Variants in ECT2L observed in about 807,000 individuals in gnomAD.
ECT2L encodes the protein epithelial cell-transforming sequence 2 oncogene-like.
Under a neutral mutation model 122.8 loss-of-function variants are expected in ECT2L, and 126 were observed. The observed-to-expected ratio is 1.03, with a 90% confidence interval of 0.89 to 1.19. The LOEUF (loss-of-function observed/expected upper bound fraction) is 1.19. Among genes scored for constraint, ECT2L ranks in the 50% most tolerant of loss-of-function variants. The pLI, the probability that ECT2L is intolerant of heterozygous loss-of-function variation, is 0.00. For missense variants in ECT2L, 1,012 were observed against 1,064.1 expected (o/e 0.95, Z 0.68); for synonymous variants, 385 against 381.8 (o/e 1.01, Z -0.10).
intron 1 of ECT2L, among the ~76,000 whole-genome samples, chr6:138,802,682 T>C (rs766121869): frequency 6.6e-6 from 1 of 152,114 alleles, no homozygotes; most frequent in Non-Finnish European, 1.5e-5. Context: ...AAAGCTAGAA[T>C]AGGAAAAGAA....
intron 16 of ECT2L, 134 bp downstream of exon 16, chr6:138,883,005 A>T (rs1778696390): frequency 3.2e-6 from 3 of 949,686 alleles, no homozygotes; most frequent in Non-Finnish European, 4.6e-6. Flanking sequence ...ATACTGTGTG[A>T]TCTCTGAGGA....
chr6:138,808,278 T>C (rs1458902127), intron 1 of ECT2L, among the ~76,000 whole-genome samples: 2 of 152,184 alleles, frequency 1.3e-5, no homozygotes, highest in South Asian at 4.1e-4. Context: ...AGGATCTCAT[T>C]TGGTTGCCCA....
chr6:138,859,412 CA>C (rs767034980), intron 10 of ECT2L, among the ~76,000 whole-genome samples: 3 of 152,134 alleles, frequency 2.0e-5, no homozygotes, highest in Non-Finnish European at 2.9e-5. Context: ...AGTAGAGTGG[CA>C]AGGTTATATG....
chr6:138,855,957 G>T (rs1354889363), intron 10 of ECT2L, among the ~76,000 whole-genome samples: 1 of 152,186 alleles, frequency 6.6e-6, no homozygotes, highest in African/African-American at 2.4e-5. Flanking sequence ...TGTCTCAAGT[G>T]AAACTTAATG....
At chr6:138,894,766 C>T (rs1444036072) in intron 20 of ECT2L, among the ~76,000 whole-genome samples, 27 of 152,112 alleles carry the variant, frequency 1.8e-4, no homozygotes, top group Non-Finnish European at 7.4e-5. Flanking sequence ...CTTTAAAAAT[C>T]CACTTGTAAA....
intron 1 of ECT2L, among the ~76,000 whole-genome samples, chr6:138,810,956 G>A (rs1321497053): frequency 6.6e-6 from 1 of 151,426 alleles, no homozygotes; most frequent in Non-Finnish European, 1.5e-5. Context: ...TCTGCATATG[G>A]GAAAGGAAAG....
intron 1 of ECT2L, among the ~76,000 whole-genome samples, chr6:138,805,187 T>TG (rs1178562861): frequency 1.3e-5 from 2 of 152,242 alleles, no homozygotes; most frequent in Non-Finnish European, 2.9e-5. Flanking sequence ...AGTATTCTAT[T>TG]GCGTGAATGC....
chr6:138,813,324 A>G lies in ECT2L; in HGVS notation c.50A>G (p.Lys17Arg), dbSNP rs369742195. 15 of 1,611,490 alleles carry G rather than the reference A, an allele frequency of 9.3e-6. No individual in the cohort carries two copies. The African/African-American group carries it at 2.0e-4, about 22-fold the overall frequency. The change falls in exon 3 of 22, where the codon AAG (lysine) becomes AGG (arginine). Residue 17 changes from lysine to arginine, a missense_variant. By Grantham distance (26) the Lys-to-Arg change is conservative. Transcript: ENST00000541398. ...RFSAWTPFSN[K>R]SLNRQLFQER... ...AGTGCCTGGACACCTTTTAGCAACA[A>G]GTCATTAAATAGACAGGTAAGTTAC...
intron 4 of ECT2L, among the ~76,000 whole-genome samples, chr6:138,821,071 G>C (rs1340935662): frequency 6.6e-6 from 1 of 152,198 alleles, no homozygotes; most frequent in Admixed American, 6.5e-5. Context: ...AAGCCCCAAG[G>C]CTTCTTCCAT....
In ECT2L at chr6:138,868,212, T is replaced by C. The variant is rs1383266204; in HGVS notation, c.1578+6T>C. 1 of 1,604,950 alleles carries C rather than the reference T, an allele frequency of 6.2e-7. No homozygotes were observed. On this transcript the variant is annotated splice_donor_region_variant and intron_variant, in intron 13 of 21. Transcript: ENST00000541398. Reference sequence around the variant, plus strand: ...AGTTGTCAAAAGAAGATTCTGTAAGTGTTTCTTTGAAGAAAGTAAACTATG... The same window carrying C: ...AGTTGTCAAAAGAAGATTCTGTAAGCGTTTCTTTGAAGAAAGTAAACTATG...
At chr6:138,805,495 A>T (rs1187127674) in intron 1 of ECT2L, among the ~76,000 whole-genome samples, 1 of 152,166 alleles carries the variant, frequency 6.6e-6, no homozygotes, top group Non-Finnish European at 1.5e-5. Flanking sequence ...TGAAATAGGA[A>T]ACGTGTTATT....
chr6:138,819,645 T>C (rs1776201553), intron 4 of ECT2L, among the ~76,000 whole-genome samples: 1 of 151,954 alleles, frequency 6.6e-6, no homozygotes, highest in Admixed American at 6.6e-5. Context: ...ATTCCAAAAA[T>C]GACAAAAAGA....
intron 4 of ECT2L, among the ~76,000 whole-genome samples, chr6:138,818,499 T>G (rs948224043): frequency 1.3e-5 from 2 of 152,196 alleles, no homozygotes; most frequent in Non-Finnish European, 2.9e-5. Context: ...GCCATGTCAC[T>G]CTCAGTTACT....
At chr6:138,898,808 C>T (rs1779298183) in intron 20 of ECT2L, among the ~76,000 whole-genome samples, 1 of 152,080 alleles carries the variant, frequency 6.6e-6, no homozygotes, top group Admixed American at 6.5e-5. Context: ...ATGAGAATAC[C>T]TTTCAAGACC....
chr6:138,896,092 A>G (rs568643888), intron 20 of ECT2L, among the ~76,000 whole-genome samples: 94 of 139,700 alleles, frequency 6.7e-4, no homozygotes, highest in African/African-American at 1.6e-3. Context: ...TCATTGCTGA[A>G]TTTTTTTTTT....
intron 7 of ECT2L, among the ~76,000 whole-genome samples, chr6:138,845,194 T>C (rs1254647544): frequency 2.0e-5 from 3 of 152,016 alleles, no homozygotes; most frequent in Non-Finnish European, 4.4e-5. Flanking sequence ...TTCATAACCA[T>C]CACCATTGTG....
intron 4 of ECT2L, among the ~76,000 whole-genome samples, chr6:138,830,951 T>C (rs1175489952): frequency 6.6e-6 from 1 of 152,232 alleles, no homozygotes; most frequent in Non-Finnish European, 1.5e-5. Flanking sequence ...TAATTATATA[T>C]CCAGCTGCTT....
chr6:138,865,080 G>A lies in ECT2L; in HGVS notation c.1376G>A (p.Ser459Asn). The change falls in exon 12 of 22, where the codon AGC becomes AAC. Residue 459 changes from serine (S) to asparagine (N), a missense_variant. Physicochemically the swap from Ser to Asn is conservative, Grantham distance 46. Coordinates refer to ENST00000541398, the MANE Select transcript of ECT2L (RefSeq NM_001077706.3). ...FCESKLQTWS[S>N]FTDFLEETLK... ...GAATCGAAGCTACAGACGTGGTCCA[G>A]CTTCACAGACTTCCTAGAAGAAACC... is the stretch of plus-strand genomic sequence containing the variant. 2 of 1,614,126 alleles carry A rather than the reference G, an allele frequency of 1.2e-6. No individual in the cohort carries two copies. The highest frequency in any genetic ancestry group is 1.7e-6 in the Non-Finnish European group (2 of 1,180,006).
intron 1 of ECT2L, among the ~76,000 whole-genome samples, chr6:138,808,055 C>A (rs537243631): frequency 6.6e-6 from 1 of 150,750 alleles, no homozygotes; most frequent in East Asian, 1.9e-4. Flanking sequence ...CACACACAGC[C>A]ATGCACACAC....
Sources: allele counts gnomAD v4.1 joint callset (sites outside exome capture counted in the v4.1 genomes callset), GRCh38; gene constraint gnomAD v4.1.1; transcripts MANE v1.5; gene names NCBI Gene and HGNC (gene_info 2026-07-23, HGNC 2026-07-21).